ZNF248: variants seen among roughly 807,000 people sequenced by gnomAD.
ZNF248 encodes the protein zinc finger protein 248.
A neutral mutation model predicts 44.3 loss-of-function variants in ZNF248; 20 were observed. That is an observed-to-expected ratio of 0.45 (90% CI 0.32 to 0.66). ZNF248 has a LOEUF of 0.66. ZNF248 is among the 30% of genes least tolerant of loss of function. ZNF248 has a pLI of 0.04. For missense variants in ZNF248, 654 were observed against 677.0 expected (o/e 0.97, Z 0.38); for synonymous variants, 224 against 229.0 (o/e 0.98, Z 0.20).
chr10:37,823,131 C>T (rs2053744297), intron 6 of ZNF248, among the ~76,000 whole-genome samples: 1 of 151,846 alleles, frequency 6.6e-6, no homozygotes, highest in Non-Finnish European at 1.5e-5. Flanking sequence ...GTCAAGGGAT[C>T]AAGACCATCC....
chr10:37,759,409 G>C, the ZNF248 span, among the ~76,000 whole-genome samples: 1 of 152,168 alleles, frequency 6.6e-6, no homozygotes, highest in African/African-American at 2.4e-5. Flanking sequence ...TGCTAGGTCA[G>C]GAAGTATGCT....
At chr10:37,793,228 G>C (rs193210318) in intron 6 of ZNF248, among the ~76,000 whole-genome samples, 2 of 151,972 alleles carry the variant, frequency 1.3e-5, no homozygotes, top group African/African-American at 4.8e-5. Flanking sequence ...CCAGCTACTC[G>C]GGAGGCTGAG....
At position 37,829,344 on chromosome 10, in the gene ZNF248, G is replaced by A; in HGVS notation, c.*2271C>T. ...TCCCTTGTTTCTGGCCCACACCACTGTAATCAGTCTGCCATTAAAATATTT... is the reference window on the plus strand; with the variant it reads ...TCCCTTGTTTCTGGCCCACACCACTATAATCAGTCTGCCATTAAAATATTT... On this transcript the variant is annotated 3_prime_UTR_variant, in exon 6 of 6. Coordinates refer to ENST00000395867, the MANE Select transcript of ZNF248 (RefSeq NM_021045.3). 1 of 985,390 alleles carries A rather than the reference G, an allele frequency of 1.0e-6. No homozygotes were observed. Among genetic ancestry groups the A allele is most frequent in the Non-Finnish European group, 1.2e-6 (1 of 829,912 alleles). The allele number at this position is 985,390 out of a possible 1,614,324, so 61.0% of individuals were successfully genotyped here. A position where few individuals can be genotyped will look rare whatever the true frequency, so the allele number is the denominator to read the frequency against.
chr10:37,832,043 A>C lies in ZNF248; in HGVS notation c.1312T>G (p.Cys438Gly). The C allele has an allele frequency of 6.2e-7, 1 of 1,614,008 alleles. No individual in the cohort carries two copies. The highest frequency in any genetic ancestry group is 8.5e-7 in the Non-Finnish European group (1 of 1,179,942). ...RTHTGEKPYE[C>G]KQCGKTFCVK... ...CAGAATGTTTTTCCACATTGCTTAC[A>C]TTCATAGGGTTTTTCTCCTGTATGT... The change falls in exon 6 of 6, where the codon TGT (cysteine) becomes GGT (glycine). Residue 438 changes from cysteine (C) to glycine (G), a missense_variant. Transcript: ENST00000395867.
intron 6 of ZNF248, among the ~76,000 whole-genome samples, chr10:37,785,571 T>C (rs1046996665): frequency 1.3e-5 from 2 of 152,216 alleles, no homozygotes; most frequent in African/African-American, 2.4e-5. Flanking sequence ...CAGAGTTCAA[T>C]AGAGATCTTT....
At chr10:37,852,933 C>G (rs758237743) in intron 3 of ZNF248, among the ~76,000 whole-genome samples, 1 of 151,886 alleles carries the variant, frequency 6.6e-6, no homozygotes, top group Non-Finnish European at 1.5e-5. Context: ...GTGATCTCGG[C>G]TCACTGCAAC....
At chr10:37,764,957 GA>G in the ZNF248 span, among the ~76,000 whole-genome samples, 4 of 151,050 alleles carry the variant, frequency 2.6e-5, no homozygotes, top group African/African-American at 9.8e-5. Context: ...GACACTTTTT[GA>G]GCCTTTTTTT....
the ZNF248 span, among the ~76,000 whole-genome samples, chr10:37,765,396 C>G: frequency 1.3e-5 from 2 of 152,122 alleles, no homozygotes; most frequent in Non-Finnish European, 2.9e-5. Context: ...TTTCAGCATC[C>G]ACATATTTGT....
chr10:37,816,741 G>A (rs2133521949), intron 6 of ZNF248, among the ~76,000 whole-genome samples: 1 of 152,186 alleles, frequency 6.6e-6, no homozygotes. Context: ...TTGACCTCTT[G>A]ATTTTATGAA....
intron 6 of ZNF248, among the ~76,000 whole-genome samples, chr10:37,791,421 A>T (rs998464911): frequency 1.3e-5 from 2 of 152,118 alleles, no homozygotes; most frequent in South Asian, 4.1e-4. Flanking sequence ...ATGTGAGTAA[A>T]GCCTTGGCAG....
intron 6 of ZNF248, among the ~76,000 whole-genome samples, chr10:37,784,617 TGAA>T (rs1490791574): frequency 3.3e-5 from 5 of 152,330 alleles, no homozygotes; most frequent in Admixed American, 1.3e-4. Context: ...TCAACTTCCC[TGAA>T]GAAGACTCAA....
intron 6 of ZNF248, among the ~76,000 whole-genome samples, chr10:37,792,859 C>G (rs527513213): frequency 6.6e-6 from 1 of 152,214 alleles, no homozygotes; most frequent in East Asian, 1.9e-4. Context: ...GGATGCCAGT[C>G]TACAGAAAAA....
chr10:37,832,315 A>G lies in ZNF248; in HGVS notation c.1040T>C (p.Met347Thr), dbSNP rs772993641. 4.0e-5 allele frequency: 64 copies of G among 1,613,788 alleles called. No homozygotes were observed. The highest frequency in any genetic ancestry group is 5.3e-5 in the Non-Finnish European group (62 of 1,179,924). Reference sequence around the variant, plus strand: ...ATTGTAATCATAAGACTTTCCCCCCATGTGTACTATTTGATGTTTTAAGAG... The same window carrying G: ...ATTGTAATCATAAGACTTTCCCCCCGTGTGTACTATTTGATGTTTTAAGAG... The part of the protein sequence containing the change: ...SALLKHQIVH[M>T]GGKSYDYNEN... The change falls in exon 6 of 6, where the codon ATG (methionine) becomes ACG (threonine). Residue 347 changes from methionine (M) to threonine (T), a missense_variant. Met to Thr is a moderately conservative substitution (Grantham distance 81). Coordinates refer to ENST00000395867, the MANE Select transcript of ZNF248 (RefSeq NM_021045.3).
intron 6 of ZNF248, among the ~76,000 whole-genome samples, chr10:37,813,016 T>C (rs1188811950): frequency 7.9e-6 from 1 of 126,740 alleles, no homozygotes; most frequent in Admixed American, 8.2e-5. Context: ...ATCGTGGATA[T>C]GGCAAAAAGA....
chr10:37,805,531 C>A (rs995948110), intron 6 of ZNF248, among the ~76,000 whole-genome samples: 1 of 152,168 alleles, frequency 6.6e-6, no homozygotes, highest in South Asian at 2.1e-4. Flanking sequence ...CAAATATTTT[C>A]TTTATTTCCA....
intron 3 of ZNF248, among the ~76,000 whole-genome samples, chr10:37,851,948 T>C (rs544096572): frequency 6.6e-6 from 1 of 152,148 alleles, no homozygotes; most frequent in East Asian, 1.9e-4. Context: ...AGGTGGATGA[T>C]TAAACTGTGA....
intron 6 of ZNF248, among the ~76,000 whole-genome samples, chr10:37,793,207 T>C (rs983856779): frequency 1.3e-5 from 2 of 151,982 alleles, no homozygotes; most frequent in Admixed American, 6.6e-5. Context: ...TGGTGGCACA[T>C]GCCTGTAGTC....
chr10:37,832,136 G>C lies in ZNF248; in HGVS notation c.1219C>G (p.Pro407Ala), dbSNP rs2055844689. Reference protein sequence around the residue: ...QHQRTHTGEKPYECTECGKAF... With the variant: ...QHQRTHTGEKAYECTECGKAF... ...TTCCCACATTCAGTACATTCATAGGGCTTCTCTCCTGTGTGTGTTCTCTGA... is the reference window on the plus strand; with the variant it reads ...TTCCCACATTCAGTACATTCATAGGCCTTCTCTCCTGTGTGTGTTCTCTGA... The change falls in exon 6 of 6, where the codon CCC (proline) becomes GCC (alanine). Residue 407 changes from proline (P) to alanine (A), a missense_variant. Pro to Ala is a conservative substitution (Grantham distance 27). Transcript: ENST00000395867. The C allele has an allele frequency of 6.2e-7, 1 of 1,613,898 alleles. No homozygotes were observed. The highest frequency in any genetic ancestry group is 1.1e-5 in the South Asian group (1 of 91,088).
downstream of ZNF248, among the ~76,000 whole-genome samples, chr10:37,773,194 G>T (rs1347800489): frequency 6.6e-6 from 1 of 152,132 alleles, no homozygotes; most frequent in Non-Finnish European, 1.5e-5. Context: ...GCAGTAAGCT[G>T]GGATCACACC....
Sources: allele counts gnomAD v4.1 joint callset (sites outside exome capture counted in the v4.1 genomes callset), GRCh38; gene constraint gnomAD v4.1.1; transcripts MANE v1.5; gene names NCBI Gene and HGNC (gene_info 2026-07-23, HGNC 2026-07-21).